The following EDA variants were observed in gnomAD, a reference collection of about 807,000 sequenced individuals.
EDA encodes the protein ectodysplasin-A.
A neutral mutation model predicts 23.6 loss-of-function variants in EDA; 2 were observed. That is an observed-to-expected ratio of 0.08 (90% confidence interval 0.03 to 0.27). The LOEUF (loss-of-function observed/expected upper bound fraction) is 0.27, where lower values mean the gene tolerates loss of function less well. Ranked by LOEUF, EDA falls within the 10% of genes least tolerant of loss-of-function variation. The pLI is 1.00. For missense variants in EDA, 229 were observed against 324.2 expected, an observed-to-expected ratio of 0.71 and a Z score of 2.26; for synonymous variants, 131 against 132.0, an observed-to-expected ratio of 0.99 and a Z score of 0.05.
chrX:69,997,523 A>G (rs2019675655), intron 2 of EDA, among the ~76,000 whole-genome samples: 1 of 112,777 alleles, frequency 8.9e-6, no homozygotes, highest in Non-Finnish European at 1.9e-5. Context: ...GGGATAGAAA[A>G]GAAAATTCCA....
chrX:69,870,980 G>A (rs1282080997), intron 1 of EDA, among the ~76,000 whole-genome samples: 1 of 111,193 alleles, frequency 9.0e-6, no homozygotes, highest in East Asian at 2.8e-4. Flanking sequence ...CTGAACTTAG[G>A]AGCAACCAAC....
intron 1 of EDA, among the ~76,000 whole-genome samples, chrX:69,928,757 C>T (rs186535529): frequency 1.3e-4 from 15 of 111,794 alleles, no homozygotes; most frequent in South Asian, 7.4e-4. Flanking sequence ...CCTTGGGAAA[C>T]GGATTGCCAT....
chrX:69,782,686 G>T (rs2014991923), intron 1 of EDA, among the ~76,000 whole-genome samples: 1 of 111,694 alleles, frequency 9.0e-6, no homozygotes, highest in Admixed American at 9.6e-5. Context: ...TAGGGAGCGG[G>T]CCAATAAAGC....
intron 1 of EDA, chrX:69,937,461 C>A (rs760115412): frequency 5.1e-6 from 4 of 790,590 alleles, no homozygotes; most frequent in Admixed American, 2.2e-5. Flanking sequence ...TAAAAACAAT[C>A]GAAGGATCTC....
intron 1 of EDA, among the ~76,000 whole-genome samples, chrX:69,763,551 C>T (rs1438842928): frequency 8.9e-6 from 1 of 111,745 alleles, no homozygotes. Context: ...GCAACTGCCG[C>T]CTTATGTGAC....
chrX:69,705,223 CAAA>C (rs545649412), intron 1 of EDA, among the ~76,000 whole-genome samples: 2 of 58,874 alleles, frequency 3.4e-5, no homozygotes, highest in Non-Finnish European at 3.0e-5. Context: ...AACTCCATCT[CAAA>C]AAAAAAAAAA....
intron 1 of EDA, among the ~76,000 whole-genome samples, chrX:69,750,491 G>C (rs140389059): frequency 9.1e-6 from 1 of 110,338 alleles, no homozygotes; most frequent in African/African-American, 3.3e-5. Flanking sequence ...ATACGTGTGC[G>C]TGTGTCTTTA....
rs35976010 is a variant in EDA, at chrX:69,960,856, CAA to C, written c.502+3737_502+3738del. On this transcript the variant is annotated intron_variant, in intron 2 of 7. Transcript: ENST00000374552. ...TGAAACCCCGTCTCTACCAAAAATA[CAA>C]AAAAAAAAAAAATAGCGGGGCACTG... 5.9e-4 allele frequency among the ~76,000 whole-genome samples: 54 copies of C among 92,003 alleles called. 1 individual carries two copies. Among genetic ancestry groups the C allele is most frequent in the Admixed American group, 1.4e-3 (12 of 8,330 alleles). 79.9% of individuals were successfully genotyped at this position (92,003 alleles called of 115,157 possible).
At chrX:69,798,113 A>G (rs1028721048) in intron 1 of EDA, among the ~76,000 whole-genome samples, 1 of 111,758 alleles carries the variant, frequency 8.9e-6, no homozygotes, top group African/African-American at 3.2e-5. Flanking sequence ...TCCAGTAGGA[A>G]GATATAATTG....
At chrX:69,839,159 G>A (rs2016843949) in intron 1 of EDA, among the ~76,000 whole-genome samples, 1 of 112,072 alleles carries the variant, frequency 8.9e-6, no homozygotes, top group Non-Finnish European at 1.9e-5. Flanking sequence ...CAGGAAGAAA[G>A]TTACTTTTGT....
chrX:69,909,311 G>A (rs953983416), intron 1 of EDA, among the ~76,000 whole-genome samples: 2 of 111,448 alleles, frequency 1.8e-5, no homozygotes, highest in Non-Finnish European at 3.8e-5. Flanking sequence ...GTTTTGTTTT[G>A]TTTGAGACAG....
chrX:69,645,234 C>T (rs1328454408), intron 1 of EDA, among the ~76,000 whole-genome samples: 1 of 109,499 alleles, frequency 9.1e-6, no homozygotes, highest in African/African-American at 3.3e-5. Flanking sequence ...TGGTCCTGGG[C>T]TTTTTGGTTG....
rs1380165795 is a variant in EDA, at chrX:69,987,301, T to A, written c.502+30169T>A. Among the ~76,000 whole-genome samples, 643 of 79,608 alleles carry A rather than the reference T, an allele frequency of 8.1e-3. 3 individuals are homozygous for A. Among genetic ancestry groups the A allele is most frequent in the African/African-American group, 0.032 (564 of 17,422 alleles). The allele number at this position is 79,608 out of a possible 115,157, so 69.1% of individuals were successfully genotyped here. On this transcript the variant is annotated intron_variant, in intron 2 of 7. Transcript: ENST00000374552. The stretch of plus-strand genomic sequence containing the variant: ...AAAAAAAAAAAATTAAAAAAAAAAA[T>A]TTTTTTTTTTAAAAATAAATAAATA...
intron 1 of EDA, among the ~76,000 whole-genome samples, chrX:69,655,257 T>C (rs1933266737): frequency 9.0e-6 from 1 of 110,789 alleles, no homozygotes; most frequent in Non-Finnish European, 1.9e-5. Flanking sequence ...TAGCCTGGCA[T>C]GTGGTGCATG....
At position 69,993,354 on chromosome X, in the gene EDA, G is replaced by A. The variant is rs973282773; in HGVS notation, c.503-29864G>A. ...AAAGGAACTTTGAGGATCAGGGGTA[G>A]GGATTAACACTGATTAAGTACCTGT... On this transcript the variant is annotated intron_variant, in intron 2 of 7. Transcript: ENST00000374552. Among the ~76,000 whole-genome samples the A allele has an allele frequency of 4.5e-5, 5 of 111,211 alleles. No homozygotes were observed. In the Admixed American group the frequency reaches 4.8e-4, roughly 11 times the overall value.
intron 1 of EDA, among the ~76,000 whole-genome samples, chrX:69,876,110 A>G (rs2017640556): frequency 8.9e-6 from 1 of 112,023 alleles, no homozygotes; most frequent in Non-Finnish European, 1.9e-5. Context: ...TAGATCTACC[A>G]TTTGATCCAG....
At chrX:69,872,467 A>G (rs967564359) in intron 1 of EDA, among the ~76,000 whole-genome samples, 2 of 112,113 alleles carry the variant, frequency 1.8e-5, no homozygotes, top group African/African-American at 6.5e-5. Flanking sequence ...CAGAATGGAT[A>G]AGAATTCACC....
intron 1 of EDA, among the ~76,000 whole-genome samples, chrX:69,742,554 C>A (rs185191263): frequency 3.0e-4 from 34 of 112,080 alleles, no homozygotes; most frequent in Admixed American, 4.7e-4. Flanking sequence ...GCAGTTGTTG[C>A]TTTTTTATAA....
Position 69,788,818 on chromosome X carries a change from AC to A in EDA, c.397-168206del, listed in dbSNP as rs1361764919. Among the ~76,000 whole-genome samples, 46 of 113,301 alleles carry A rather than the reference AC, an allele frequency of 4.1e-4. No homozygotes were observed. The East Asian group carries it at 0.01, about 26-fold the overall frequency. On this transcript the variant is annotated intron_variant, in intron 1 of 7. Coordinates refer to ENST00000374552, the MANE Select transcript of EDA (RefSeq NM_001399.5). Reference sequence around the variant, plus strand: ...GCCTCCTTGAGCTGTGGTGGGCTCCACCCAGTTCCAGCTTCCCAGCTGCTTT... The same window carrying A: ...GCCTCCTTGAGCTGTGGTGGGCTCCACCAGTTCCAGCTTCCCAGCTGCTTT...
Sources: gnomAD v4.1 joint callset for allele counts (sites outside exome capture counted in the v4.1 genomes callset) on GRCh38, gnomAD v4.1.1 for gene constraint, MANE v1.5 for transcripts, NCBI Gene and HGNC (gene_info 2026-07-23, HGNC 2026-07-21) for gene names.